CADPS: variants seen among roughly 807,000 people sequenced by gnomAD.
CADPS encodes calcium-dependent secretion activator 1.
CADPS carries 57 observed loss-of-function variants against 167.3 expected under a neutral mutation model. That is an observed-to-expected ratio of 0.34 (90% CI 0.28 to 0.42). The LOEUF (loss-of-function observed/expected upper bound fraction) is 0.42, where lower values mean the gene tolerates loss of function less well. Ranked by LOEUF, CADPS falls within the 20% of genes least tolerant of loss-of-function variation. The pLI is 1.00. For synonymous variants in CADPS, 676 were observed against 635.3 expected (o/e 1.06, Z -0.96); for missense variants, 1,414 against 1,738.1 (o/e 0.81, Z 3.32).
At chr3:62,551,034 C>T (rs1199466789) in intron 10 of CADPS, 2 of 420,518 alleles carry the variant, frequency 4.8e-6, no homozygotes, top group Non-Finnish European at 9.5e-6. Context: ...TCCTTAGAAG[C>T]ACCCTCTCTC....
At chr3:62,772,534 G>A (rs304187) in intron 1 of CADPS, among the ~76,000 whole-genome samples, 44,403 of 152,032 alleles carry the variant, frequency 0.29, 7,465 homozygotes, top group African/African-American at 0.46. Context: ...TAAGAGCATC[G>A]CAGAAATGTG....
intron 29 of CADPS, among the ~76,000 whole-genome samples, chr3:62,402,613 C>A (rs1706783684): frequency 6.6e-6 from 1 of 152,150 alleles, no homozygotes; most frequent in Non-Finnish European, 1.5e-5. Context: ...CGAACTACTT[C>A]AATTAACTAT....
intron 6 of CADPS, among the ~76,000 whole-genome samples, chr3:62,632,871 G>T (rs1251941752): frequency 6.6e-6 from 1 of 151,970 alleles, no homozygotes; most frequent in Non-Finnish European, 1.5e-5. Flanking sequence ...AACAAATTTG[G>T]TACAGCTGTA....
chr3:62,432,942 C>T (rs1235435857), intron 28 of CADPS, among the ~76,000 whole-genome samples: 1 of 152,080 alleles, frequency 6.6e-6, no homozygotes, highest in Non-Finnish European at 1.5e-5. Context: ...CTTTAATCAG[C>T]CCCTTAGAAG....
intron 3 of CADPS, among the ~76,000 whole-genome samples, chr3:62,731,024 C>T (rs2077671184): frequency 6.6e-6 from 1 of 152,180 alleles, no homozygotes; most frequent in African/African-American, 2.4e-5. Flanking sequence ...TGACCAGAAA[C>T]AAGACATGCT....
Position 62,632,205 on chromosome 3 carries a change from C to G in CADPS, c.1325+13517G>C, listed in dbSNP as rs534705478. Among the ~76,000 whole-genome samples the G allele has an allele frequency of 1.1e-3, 167 of 152,228 alleles. 1 individual carries two copies. The highest frequency in any genetic ancestry group is 3.4e-3 in the Middle Eastern group (1 of 294). On this transcript the variant is annotated intron_variant, in intron 6 of 29. Transcript: ENST00000383710. ...ATGGGTGTGGACACACCCACAGATACAGAAAAACTGGAAAACAACGCCAAA... is the reference window on the plus strand; with the variant it reads ...ATGGGTGTGGACACACCCACAGATAGAGAAAAACTGGAAAACAACGCCAAA...
At chr3:62,526,969 C>T (rs1478619931) in intron 13 of CADPS, among the ~76,000 whole-genome samples, 1 of 152,156 alleles carries the variant, frequency 6.6e-6, no homozygotes, top group African/African-American at 2.4e-5. Context: ...TATGTATGAT[C>T]TAAAGACCAA....
intron 26 of CADPS, among the ~76,000 whole-genome samples, chr3:62,449,265 T>TTTTTCTTTTC (rs560610657): frequency 3.3e-5 from 5 of 152,158 alleles, no homozygotes; most frequent in Non-Finnish European, 4.4e-5. Flanking sequence ...TCTGGACGTG[T>TTTTTCTTTTC]TTTTCTTTTC....
chr3:62,490,777 G>A (rs540138390), intron 21 of CADPS, among the ~76,000 whole-genome samples: 1 of 152,214 alleles, frequency 6.6e-6, no homozygotes, highest in South Asian at 2.1e-4. Flanking sequence ...CCTAGACCAG[G>A]CAATGGCAAA....
At chr3:62,749,790 A>T (rs570734374) in intron 3 of CADPS, among the ~76,000 whole-genome samples, 1 of 152,298 alleles carries the variant, frequency 6.6e-6, no homozygotes, top group East Asian at 1.9e-4. Flanking sequence ...TGCAGACTTC[A>T]TATGAAAGCT....
At chr3:62,675,814 G>C (rs1055898185) in intron 3 of CADPS, among the ~76,000 whole-genome samples, 1 of 152,112 alleles carries the variant, frequency 6.6e-6, no homozygotes, top group African/African-American at 2.4e-5. Flanking sequence ...CTGTGAAACT[G>C]TTTTTAAGAT....
chr3:62,413,743 T>C (rs1269673185), intron 28 of CADPS, among the ~76,000 whole-genome samples: 1 of 152,226 alleles, frequency 6.6e-6, no homozygotes, highest in African/African-American at 2.4e-5. Context: ...GTTAAGACAG[T>C]ACATTTTTTG....
At chr3:62,723,348 G>A (rs2076159056) in intron 3 of CADPS, among the ~76,000 whole-genome samples, 1 of 152,146 alleles carries the variant, frequency 6.6e-6, no homozygotes, top group Non-Finnish European at 1.5e-5. Context: ...AAACTCTAAA[G>A]CTTTTCCAGT....
chr3:62,628,290 T>G (rs938041994), intron 6 of CADPS, among the ~76,000 whole-genome samples: 4 of 152,200 alleles, frequency 2.6e-5, no homozygotes, highest in East Asian at 3.8e-4. Flanking sequence ...GAGATGAAAT[T>G]CTTTGTACAT....
intron 3 of CADPS, among the ~76,000 whole-genome samples, chr3:62,731,125 G>C (rs488273): frequency 0.23 from 34,429 of 152,140 alleles, 4,162 homozygotes; most frequent in African/African-American, 0.3. Flanking sequence ...AGAGGAATTA[G>C]TTTGGCCTTC....
chr3:62,605,908 T>G (rs1183915898), intron 6 of CADPS, among the ~76,000 whole-genome samples: 1 of 152,234 alleles, frequency 6.6e-6, no homozygotes, highest in Non-Finnish European at 1.5e-5. Flanking sequence ...GAGCAATGGC[T>G]TTTGTGTTTT....
At chr3:62,573,674 CT>C (rs1230274532) in intron 8 of CADPS, among the ~76,000 whole-genome samples, 2 of 152,184 alleles carry the variant, frequency 1.3e-5, no homozygotes, top group Non-Finnish European at 2.9e-5. Flanking sequence ...CTCCCTGCTC[CT>C]CATGGGAAAA....
intron 23 of CADPS, 125 bp from the exon 24 acceptor site, chr3:62,474,445 T>G: frequency 2.5e-6 from 2 of 799,980 alleles, no homozygotes; most frequent in Non-Finnish European, 4.1e-6. Context: ...CAACAATGAC[T>G]TCACATGTGT....
At chr3:62,592,407 T>C (rs571944253) in intron 7 of CADPS, among the ~76,000 whole-genome samples, 2 of 152,236 alleles carry the variant, frequency 1.3e-5, no homozygotes, top group South Asian at 4.2e-4. Flanking sequence ...CTCTATCTCC[T>C]GTAGGGCACA....
Sources: allele counts gnomAD v4.1 joint callset (sites outside exome capture counted in the v4.1 genomes callset), GRCh38; gene constraint gnomAD v4.1.1; transcripts MANE v1.5; gene names NCBI Gene and HGNC (gene_info 2026-07-23, HGNC 2026-07-21).